KLHL32: variants seen among roughly 807,000 people sequenced by gnomAD.
KLHL32 encodes kelch like family member 32, also known as kelch-like protein 32.
In KLHL32, 35 loss-of-function variants were observed where a neutral mutation model predicts 64.8. The observed-to-expected ratio is 0.54, with a 90% CI of 0.41 to 0.72. The LOEUF (loss-of-function observed/expected upper bound fraction) is 0.72. Ranked by LOEUF, KLHL32 falls within the 30% of genes least tolerant of loss-of-function variation. KLHL32 has a pLI of 0.00. For missense variants in KLHL32, 589 were observed against 768.5 expected (o/e 0.77, Z 2.76); for synonymous variants, 259 against 281.0 (o/e 0.92, Z 0.78).
rs80099923 is a variant in KLHL32, at chr6:97,079,562, G to C, written c.412-5564G>C. On this transcript the variant is annotated intron_variant, in intron 5 of 10. Transcript: ENST00000369261. The stretch of plus-strand genomic sequence containing the variant: ...ACCAATTAGGGAAAGAGGCCACACA[G>C]AAAGACTGAGTTTGGGGAATATATA... 8.0e-3 allele frequency among the ~76,000 whole-genome samples: 1,222 copies of C among 152,176 alleles called. 8 individuals are homozygous for C. The highest frequency in any genetic ancestry group is 0.013 in the Non-Finnish European group (895 of 67,992).
At chr6:96,903,122 A>G in the KLHL32 span, among the ~76,000 whole-genome samples, 1 of 152,042 alleles carries the variant, frequency 6.6e-6, no homozygotes, top group Non-Finnish European at 1.5e-5. Flanking sequence ...ACAAACAACA[A>G]AAAAAAACAG....
chr6:96,946,104 T>C (rs534768164), intron 1 of KLHL32, among the ~76,000 whole-genome samples: 119 of 152,172 alleles, frequency 7.8e-4, no homozygotes, highest in Non-Finnish European at 1.4e-3. Flanking sequence ...TGGAAAAATA[T>C]TCACTTTACC....
At chr6:96,979,963 G>A (rs1044419850) in intron 3 of KLHL32, among the ~76,000 whole-genome samples, 7 of 151,388 alleles carry the variant, frequency 4.6e-5, no homozygotes, top group African/African-American at 1.5e-4. Flanking sequence ...TCTCAGCTTG[G>A]ATGTTGTTGG....
intron 5 of KLHL32, among the ~76,000 whole-genome samples, chr6:97,072,079 A>G (rs894897403): frequency 6.6e-6 from 1 of 152,044 alleles, no homozygotes; most frequent in Non-Finnish European, 1.5e-5. Context: ...CGGCTTGGGT[A>G]TTTCTCAGGC....
At chr6:97,032,416 C>T (rs1178113296) in intron 3 of KLHL32, among the ~76,000 whole-genome samples, 1 of 152,144 alleles carries the variant, frequency 6.6e-6, no homozygotes, top group Non-Finnish European at 1.5e-5. Flanking sequence ...ATTGTGTTTT[C>T]CTCCCAACTC....
intron 6 of KLHL32, among the ~76,000 whole-genome samples, chr6:97,101,785 T>C (rs1352061902): frequency 6.6e-6 from 1 of 152,242 alleles, no homozygotes; most frequent in Non-Finnish European, 1.5e-5. Context: ...TCACTTTAAA[T>C]ATGTGAAGTA....
At chr6:96,929,498 A>G (rs1445162170) in intron 1 of KLHL32, among the ~76,000 whole-genome samples, 1 of 152,232 alleles carries the variant, frequency 6.6e-6, no homozygotes, top group Non-Finnish European at 1.5e-5. Flanking sequence ...AGCAGAACTT[A>G]AGAATTTATC....
chr6:96,962,632 C>G (rs1430825743), intron 1 of KLHL32, among the ~76,000 whole-genome samples: 1 of 152,170 alleles, frequency 6.6e-6, no homozygotes, highest in African/African-American at 2.4e-5. Flanking sequence ...GAGCAAATCA[C>G]TACATGATTC....
At chr6:97,039,603 C>CCT (rs1784823717) in intron 3 of KLHL32, among the ~76,000 whole-genome samples, 1 of 143,856 alleles carries the variant, frequency 7.0e-6, no homozygotes, top group Admixed American at 6.8e-5. Flanking sequence ...AGGCGGATCA[C>CCT]AAGGTCAGGA....
chr6:97,018,645 A>G (rs1355501280), intron 3 of KLHL32, among the ~76,000 whole-genome samples: 1 of 152,122 alleles, frequency 6.6e-6, no homozygotes, highest in Non-Finnish European at 1.5e-5. Context: ...TAATAAAGAA[A>G]TGTACCTCAG....
chr6:96,969,419 A>T lies in KLHL32; in HGVS notation c.23+2336A>T, dbSNP rs531405736. ...CTTTCCTTTCCTCATTTTCCTTCTT[A>T]AGCAGTTTAGATTCTATCACTGTTG... On this transcript the variant is annotated intron_variant, in intron 2 of 10. Transcript: ENST00000369261. 3.8e-4 allele frequency among the ~76,000 whole-genome samples: 58 copies of T among 152,084 alleles called. 1 individual carries two copies. The South Asian group carries it at 0.011, about 30-fold the overall frequency.
chr6:97,120,906 A>G (rs1035682941), intron 7 of KLHL32, among the ~76,000 whole-genome samples: 1 of 151,948 alleles, frequency 6.6e-6, no homozygotes, highest in Non-Finnish European at 1.5e-5. Flanking sequence ...AATCTTTCCT[A>G]CCTCCCATCT....
At chr6:97,126,143 A>C (rs1798853126) in intron 7 of KLHL32, among the ~76,000 whole-genome samples, 2 of 152,110 alleles carry the variant, frequency 1.3e-5, no homozygotes, top group South Asian at 4.1e-4. Context: ...AGTCGGGCTT[A>C]ATTTTATATC....
the KLHL32 span, among the ~76,000 whole-genome samples, chr6:96,901,369 A>G: frequency 7.3e-5 from 11 of 150,622 alleles, no homozygotes; most frequent in South Asian, 2.1e-3. Flanking sequence ...GGGTTCTTCT[A>G]GAGACTTCCC....
At chr6:97,050,983 A>G (rs535932243) in intron 4 of KLHL32, among the ~76,000 whole-genome samples, 26 of 152,350 alleles carry the variant, frequency 1.7e-4, no homozygotes, top group Admixed American at 6.5e-4. Flanking sequence ...AGCCTGGGCA[A>G]CAAGAGCAAA....
At chr6:97,119,117 A>C (rs1469543197) in intron 7 of KLHL32, among the ~76,000 whole-genome samples, 1 of 152,110 alleles carries the variant, frequency 6.6e-6, no homozygotes, top group Non-Finnish European at 1.5e-5. Flanking sequence ...TGTTTGACAA[A>C]CCCAGTAATC....
intron 10 of KLHL32, among the ~76,000 whole-genome samples, chr6:97,134,992 T>C (rs1020785826): frequency 1.3e-4 from 20 of 152,142 alleles, no homozygotes; most frequent in African/African-American, 4.6e-4. Flanking sequence ...CCACAAGAAA[T>C]GAAGAGGTAA....
At chr6:96,976,232 G>A in intron 3 of KLHL32, 55 bp downstream of exon 3, 1 of 1,450,500 alleles carries the variant, frequency 6.9e-7, no homozygotes, top group Non-Finnish European at 9.3e-7. Context: ...GGATGACAAT[G>A]TTTCCCAAAC....
intron 3 of KLHL32, among the ~76,000 whole-genome samples, chr6:97,033,737 C>T (rs1000694505): frequency 7.9e-5 from 12 of 151,930 alleles, no homozygotes; most frequent in African/African-American, 2.9e-4. Context: ...TGAGGAGACC[C>T]CTCATTGTGG....
Sources: allele counts gnomAD v4.1 joint callset (sites outside exome capture counted in the v4.1 genomes callset), GRCh38; gene constraint gnomAD v4.1.1; transcripts MANE v1.5; gene names NCBI Gene and HGNC (gene_info 2026-07-23, HGNC 2026-07-21).